CENPK: variants seen among roughly 807,000 people sequenced by gnomAD.
CENPK encodes the protein SoxLZ/Sox6-binding protein Solt.
In CENPK, 46 loss-of-function variants were observed where a neutral mutation model predicts 40.9. The observed-to-expected ratio is 1.13, with a 90% CI of 0.89 to 1.44. The LOEUF is 1.44. CENPK is among the 40% of genes most tolerant of loss of function. The probability of loss-of-function intolerance (pLI) is 0.00; values close to 1 mark genes in which losing one functional copy is unlikely to be tolerated. For synonymous variants in CENPK, 107 were observed against 104.4 expected (o/e 1.02, Z -0.15); for missense variants, 288 against 303.5 (o/e 0.95, Z 0.38).
chr5:65,515,821 CAT>C (rs528426792), downstream of CENPK, among the ~76,000 whole-genome samples: 5 of 152,268 alleles, frequency 3.3e-5, no homozygotes, highest in South Asian at 6.2e-4. Context: ...AGTATAGTTT[CAT>C]ATGTTAGTCT....
the CENPK span, among the ~76,000 whole-genome samples, chr5:65,509,651 C>A: frequency 3.3e-5 from 5 of 152,072 alleles, no homozygotes; most frequent in Non-Finnish European, 7.3e-5. Flanking sequence ...TGGGTCAATA[C>A]CTAGGAGTGT....
chr5:65,500,892 G>A, the CENPK span, among the ~76,000 whole-genome samples: 1 of 151,832 alleles, frequency 6.6e-6, no homozygotes, highest in Admixed American at 6.6e-5. Flanking sequence ...GGATGTTCTC[G>A]ATCTCTTGAC....
At chr5:65,513,263 GTTC>G (rs1244758349), downstream of CENPK, among the ~76,000 whole-genome samples, 3 of 152,108 alleles carry the variant, frequency 2.0e-5, no homozygotes, top group African/African-American at 7.2e-5. Flanking sequence ...CTCTAACTTT[GTTC>G]TTCTTAAATA....
intron 6 of CENPK, among the ~76,000 whole-genome samples, chr5:65,535,646 A>T (rs988780070): frequency 6.6e-6 from 1 of 152,156 alleles, no homozygotes; most frequent in Non-Finnish European, 1.5e-5. Context: ...GCGCATCCAC[A>T]CAACTCTACT....
chr5:65,547,839 T>C (rs897218344), intron 5 of CENPK, among the ~76,000 whole-genome samples: 2 of 152,128 alleles, frequency 1.3e-5, no homozygotes, highest in Non-Finnish European at 2.9e-5. Flanking sequence ...AAATTTTTTA[T>C]ATTTTTAGTA....
chr5:65,541,410 G>C (rs998605859), intron 6 of CENPK: 1 of 456,282 alleles, frequency 2.2e-6, no homozygotes, highest in East Asian at 6.9e-5. Flanking sequence ...CAACTGGTTT[G>C]TAGGAGAGAA....
At chr5:65,515,950 T>A (rs1344129492), downstream of CENPK, among the ~76,000 whole-genome samples, 1 of 152,216 alleles carries the variant, frequency 6.6e-6, no homozygotes, top group Non-Finnish European at 1.5e-5. Flanking sequence ...AGTCAATTTC[T>A]GGGGAAGGCT....
At chr5:65,537,831 G>A (rs1323654234) in intron 6 of CENPK, among the ~76,000 whole-genome samples, 36 of 152,114 alleles carry the variant, frequency 2.4e-4, no homozygotes, top group Non-Finnish European at 3.2e-4. Flanking sequence ...GGATATTTGA[G>A]GTTGTTTTCC....
rs749715663 is a variant in CENPK, at chr5:65,518,604, T to C, written c.681A>G (p.Pro227=). 6.3e-7 allele frequency: 1 copy of C among 1,591,408 alleles called. No individual in the cohort carries two copies. Among genetic ancestry groups the C allele is most frequent in the Non-Finnish European group, 8.6e-7 (1 of 1,162,344 alleles). The part of the protein sequence containing the change: ...EILINRLFDV[P]HDPYVKISDS... ...CACTAATTTTGACATATGGATCATGTGGAACATCAAATAATCTATTTATAA... is the reference window on the plus strand; with the variant it reads ...CACTAATTTTGACATATGGATCATGCGGAACATCAAATAATCTATTTATAA... Residue 227 remains proline, a synonymous_variant, in exon 11 of 11, where the codon CCA becomes CCG. Transcript: ENST00000396679.
the CENPK span, among the ~76,000 whole-genome samples, chr5:65,505,709 C>T: frequency 6.6e-6 from 1 of 152,254 alleles, no homozygotes; most frequent in African/African-American, 2.4e-5. Flanking sequence ...TTATCCTGCA[C>T]AGCATTCAGT....
At chr5:65,549,372 T>C (rs767444083) in intron 5 of CENPK, among the ~76,000 whole-genome samples, 2 of 152,204 alleles carry the variant, frequency 1.3e-5, no homozygotes, top group African/African-American at 2.4e-5. Context: ...GCTGGAATGA[T>C]AAATGAGTGT....
At position 65,529,117 on chromosome 5, in the gene CENPK, C is replaced by T; in HGVS notation, c.371G>A (p.Arg124Lys). ...AATAGTAATTGTAACATAAACAAACCTTTCTAAGTCTTCCTTTAACTTTTC... is the reference window on the plus strand; with the variant it reads ...AATAGTAATTGTAACATAAACAAACTTTTCTAAGTCTTCCTTTAACTTTTC... ...KNEKLKEDLE[R>K]EQRWLDEQQQ... The change falls in exon 7 of 11, where the codon AGG (arginine) becomes AAG (lysine). Residue 124 changes from arginine to lysine, a missense_variant and splice_region_variant. Transcript: ENST00000396679. 4 of 1,598,318 alleles carry T rather than the reference C, an allele frequency of 2.5e-6. No individual in the cohort carries two copies. The highest frequency in any genetic ancestry group is 2.7e-5 in the African/African-American group (2 of 74,514).
the CENPK span, among the ~76,000 whole-genome samples, chr5:65,503,108 A>ATT: frequency 1.4e-4 from 16 of 117,832 alleles, no homozygotes; most frequent in Admixed American, 7.1e-4. Context: ...CACCAATGTA[A>ATT]TATTTTTTTT....
Position 65,529,115 on chromosome 5 carries a change from A to G in CENPK, c.371+2T>C, listed in dbSNP as rs757023799. On this transcript the variant is annotated splice_donor_variant, in intron 7 of 10. Coordinates refer to ENST00000396679, the MANE Select transcript of CENPK (RefSeq NM_022145.5). LOFTEE classifies it high-confidence loss of function. Reference sequence around the variant, plus strand: ...TTAATAGTAATTGTAACATAAACAAACCTTTCTAAGTCTTCCTTTAACTTT... The same window carrying G: ...TTAATAGTAATTGTAACATAAACAAGCCTTTCTAAGTCTTCCTTTAACTTT... 1 of 1,597,318 alleles carries G rather than the reference A, an allele frequency of 6.3e-7. No individual in the cohort carries two copies. The highest frequency in any genetic ancestry group is 8.6e-7 in the Non-Finnish European group (1 of 1,166,682).
intron 6 of CENPK, among the ~76,000 whole-genome samples, chr5:65,536,558 T>C (rs1276222456): frequency 2.6e-5 from 4 of 152,014 alleles, no homozygotes; most frequent in African/African-American, 9.7e-5. Context: ...ACCCCAGCAG[T>C]TTGAGATGAG....
the CENPK span, among the ~76,000 whole-genome samples, chr5:65,506,512 G>T: frequency 6.6e-6 from 1 of 152,134 alleles, no homozygotes; most frequent in Non-Finnish European, 1.5e-5. Flanking sequence ...GGTAGGGCAT[G>T]GTGGCTCACA....
At chr5:65,534,268 C>T (rs944168688) in intron 6 of CENPK, among the ~76,000 whole-genome samples, 19 of 152,080 alleles carry the variant, frequency 1.2e-4, no homozygotes, top group Admixed American at 1.2e-3. Flanking sequence ...AATGGATCTG[C>T]ATTCAGACTA....
At chr5:65,557,278 G>A (rs1010914894) in intron 2 of CENPK, among the ~76,000 whole-genome samples, 1 of 152,126 alleles carries the variant, frequency 6.6e-6, no homozygotes, top group Non-Finnish European at 1.5e-5. Context: ...GGAGCAAACT[G>A]TTTTTTCTAA....
chr5:65,506,671 G>A, the CENPK span, among the ~76,000 whole-genome samples: 1 of 152,042 alleles, frequency 6.6e-6, no homozygotes, highest in Non-Finnish European at 1.5e-5. Flanking sequence ...TGTAATCCCA[G>A]CTGCTCAGGA....
Sources: allele counts gnomAD v4.1 joint callset (sites outside exome capture counted in the v4.1 genomes callset), GRCh38; gene constraint gnomAD v4.1.1; transcripts MANE v1.5; gene names NCBI Gene and HGNC (gene_info 2026-07-23, HGNC 2026-07-21).